The following SEMA6D variants were observed in gnomAD, a reference collection of about 807,000 sequenced individuals.
The protein encoded by SEMA6D is semaphorin-6D.
In SEMA6D, 35 loss-of-function variants were observed where a neutral mutation model predicts 106.6. That is an observed-to-expected ratio of 0.33 (90% CI 0.25 to 0.44). The LOEUF is 0.44. SEMA6D is among the 20% of genes least tolerant of loss of function. SEMA6D has a pLI of 1.00. For missense variants in SEMA6D, 1,185 were observed against 1,345.9 expected (o/e 0.88, Z 1.87); for synonymous variants, 499 against 487.7 (o/e 1.02, Z -0.31).
At chr15:47,658,624 T>TC (rs2077852680) in intron 4 of SEMA6D, among the ~76,000 whole-genome samples, 2 of 152,098 alleles carry the variant, frequency 1.3e-5, no homozygotes, top group Non-Finnish European at 2.9e-5. Flanking sequence ...GCGCAATCCT[T>TC]CCCCCCTCAA....
chr15:47,486,605 A>T (rs1443517588), intron 3 of SEMA6D, among the ~76,000 whole-genome samples: 3 of 151,150 alleles, frequency 2.0e-5, no homozygotes, highest in Non-Finnish European at 2.9e-5. Flanking sequence ...TACATCTGTT[A>T]TCTTGGCCTC....
intron 1 of SEMA6D, among the ~76,000 whole-genome samples, chr15:47,369,826 T>C (rs1211226978): frequency 1.3e-5 from 2 of 152,238 alleles, no homozygotes; most frequent in East Asian, 3.9e-4. Context: ...CATTTTTTCA[T>C]GAGGCATCTA....
chr15:47,259,202 A>G (rs1480005670), intron 1 of SEMA6D, among the ~76,000 whole-genome samples: 1 of 152,232 alleles, frequency 6.6e-6, no homozygotes, highest in African/African-American at 2.4e-5. Context: ...TACAAAAAAT[A>G]ATGAAAGAAG....
At chr15:47,309,647 A>G (rs951787153) in intron 1 of SEMA6D, among the ~76,000 whole-genome samples, 1 of 152,128 alleles carries the variant, frequency 6.6e-6, no homozygotes, top group East Asian at 1.9e-4. Flanking sequence ...ATATGAACAT[A>G]TTGCCCTTGT....
At chr15:47,581,737 T>C (rs1386612870) in intron 3 of SEMA6D, among the ~76,000 whole-genome samples, 1 of 152,196 alleles carries the variant, frequency 6.6e-6, no homozygotes, top group Admixed American at 6.5e-5. Context: ...TTGTAGGTCA[T>C]AGGAATTTTA....
chr15:47,433,214 T>A (rs1426304283), intron 2 of SEMA6D, among the ~76,000 whole-genome samples: 2 of 152,098 alleles, frequency 1.3e-5, no homozygotes, highest in Non-Finnish European at 2.9e-5. Flanking sequence ...GTTGCTGAGC[T>A]CTTTCCATAG....
At chr15:47,453,202 A>G (rs1448396017) in intron 2 of SEMA6D, among the ~76,000 whole-genome samples, 3 of 151,936 alleles carry the variant, frequency 2.0e-5, no homozygotes, top group African/African-American at 4.8e-5. Context: ...TTAATTTCCA[A>G]GTTCCCAAAA....
At chr15:47,411,652 G>C (rs1276434460) in intron 1 of SEMA6D, among the ~76,000 whole-genome samples, 1 of 151,988 alleles carries the variant, frequency 6.6e-6, no homozygotes, top group East Asian at 1.9e-4. Flanking sequence ...GGTTTCTCTG[G>C]TTTTCAAAGA....
At chr15:47,575,253 AC>A (rs1223541754) in intron 3 of SEMA6D, among the ~76,000 whole-genome samples, 1 of 152,204 alleles carries the variant, frequency 6.6e-6, no homozygotes, top group Non-Finnish European at 1.5e-5. Context: ...TTCTCCCAAC[AC>A]ATAACCTTTC....
At chr15:47,729,831 A>G (rs1056316311) in intron 1 of SEMA6D, among the ~76,000 whole-genome samples, 27 of 152,250 alleles carry the variant, frequency 1.8e-4, no homozygotes, top group African/African-American at 6.5e-4. Context: ...CTCATTACTG[A>G]AAAGGCTGTC....
chr15:47,347,949 C>T (rs1458194275), intron 1 of SEMA6D, among the ~76,000 whole-genome samples: 1 of 152,142 alleles, frequency 6.6e-6, no homozygotes, highest in Non-Finnish European at 1.5e-5. Flanking sequence ...GAGTCCCTTC[C>T]ATCTTGTTGC....
chr15:47,596,318 G>A (rs889146617), intron 3 of SEMA6D, among the ~76,000 whole-genome samples: 2 of 152,028 alleles, frequency 1.3e-5, no homozygotes, highest in Admixed American at 6.6e-5. Flanking sequence ...CTGTCTTCAT[G>A]CCTTGGAAAA....
chr15:47,229,049 A>G (rs1333113644), intron 1 of SEMA6D, among the ~76,000 whole-genome samples: 1 of 152,004 alleles, frequency 6.6e-6, no homozygotes, highest in Non-Finnish European at 1.5e-5. Context: ...AGGAAACTGA[A>G]GCTTACTTAT....
chr15:47,473,012 G>A (rs1306731209), intron 3 of SEMA6D, among the ~76,000 whole-genome samples: 1 of 152,216 alleles, frequency 6.6e-6, no homozygotes, highest in African/African-American at 2.4e-5. Flanking sequence ...AAGTTAGACA[G>A]CACTCTGCTC....
chr15:47,518,001 G>A (rs1375988438), intron 3 of SEMA6D, among the ~76,000 whole-genome samples: 1 of 152,136 alleles, frequency 6.6e-6, no homozygotes, highest in East Asian at 1.9e-4. Flanking sequence ...AGATTGACCT[G>A]AGTGCATGGC....
chr15:47,612,719 T>C (rs2076932576), intron 4 of SEMA6D, among the ~76,000 whole-genome samples: 1 of 152,200 alleles, frequency 6.6e-6, no homozygotes, highest in Non-Finnish European at 1.5e-5. Flanking sequence ...ACTCAGACTT[T>C]TATGAAGATG....
Position 47,370,449 on chromosome 15 carries a change from A to G in SEMA6D, c.-238-41944A>G, listed in dbSNP as rs545670378. Among the ~76,000 whole-genome samples the G allele has an allele frequency of 2.9e-3, 447 of 152,204 alleles. 2 individuals are homozygous for G. The highest frequency in any genetic ancestry group is 4.9e-3 in the Non-Finnish European group (335 of 68,006). On this transcript the variant is annotated intron_variant, in intron 1 of 19. Transcript: ENST00000558014. Reference sequence around the variant, plus strand: ...AGGATGGCTTGAGCGTGGGAGGCAGAGGTTGCAGTGAGCCGACATCGAGCC... The same window carrying G: ...AGGATGGCTTGAGCGTGGGAGGCAGGGGTTGCAGTGAGCCGACATCGAGCC...
chr15:47,695,913 T>G (rs769176597), intron 4 of SEMA6D, among the ~76,000 whole-genome samples: 3 of 152,212 alleles, frequency 2.0e-5, no homozygotes, highest in Non-Finnish European at 4.4e-5. Context: ...ACTAATGTAT[T>G]GTTATAACCT....
chr15:47,238,463 T>G (rs534997393), intron 1 of SEMA6D, among the ~76,000 whole-genome samples: 1 of 152,226 alleles, frequency 6.6e-6, no homozygotes, highest in Non-Finnish European at 1.5e-5. Context: ...AACTTAAACT[T>G]AGATACAAAG....
Sources: gnomAD v4.1 joint callset for allele counts (sites outside exome capture counted in the v4.1 genomes callset) on GRCh38, gnomAD v4.1.1 for gene constraint, MANE v1.5 for transcripts, NCBI Gene and HGNC (gene_info 2026-07-23, HGNC 2026-07-21) for gene names.